The following TIAM2 variants were observed in gnomAD, a reference collection of about 807,000 sequenced individuals.
TIAM2 encodes rho guanine nucleotide exchange factor TIAM2.
A neutral mutation model predicts 152.9 loss-of-function variants in TIAM2; 80 were observed. The observed-to-expected ratio is 0.52, with a 90% CI of 0.44 to 0.63. The LOEUF (loss-of-function observed/expected upper bound fraction) is 0.63. Among genes scored for constraint, TIAM2 ranks in the 30% least tolerant of loss-of-function variants. The probability of loss-of-function intolerance (pLI) is 0.00; values close to 1 mark genes in which losing one functional copy is unlikely to be tolerated. For synonymous variants in TIAM2, 804 were observed against 838.0 expected, an observed-to-expected ratio of 0.96 and a Z score of 0.70; for missense variants, 1,965 against 2,120.1, an observed-to-expected ratio of 0.93 and a Z score of 1.44.
rs773624722 is a variant in TIAM2 at position 155,055,536 on chromosome 6, G to A, written c.-208-34753G>A. ...GAAATAGGAAATGACTTTTGGTTTC[G>A]TACGTGAGATTTTTGTGCCTGTGCT... is the stretch of plus-strand genomic sequence containing the variant. On this transcript the variant is annotated intron_variant, in intron 1 of 26. Transcript: ENST00000682666. Among the ~76,000 whole-genome samples the A allele has an allele frequency of 4.6e-5, 7 of 152,276 alleles. No individual in the cohort carries two copies. In the South Asian group the frequency reaches 1.0e-3, roughly 23 times the overall value.
intron 2 of TIAM2, among the ~76,000 whole-genome samples, chr6:155,122,423 G>T (rs895906124): frequency 6.7e-6 from 1 of 148,182 alleles, no homozygotes; most frequent in Non-Finnish European, 1.5e-5. Context: ...GGGATTAGGA[G>T]GGAATGGAGA....
At chr6:155,185,819 C>T (rs773190571) in intron 14 of TIAM2, among the ~76,000 whole-genome samples, 15 of 152,156 alleles carry the variant, frequency 9.9e-5, no homozygotes, top group Non-Finnish European at 2.2e-4. Flanking sequence ...AGGCAGCGCC[C>T]CGCCCACCTC....
At chr6:155,005,769 C>T (rs1423053884) in intron 1 of TIAM2, among the ~76,000 whole-genome samples, 1 of 151,816 alleles carries the variant, frequency 6.6e-6, no homozygotes, top group Non-Finnish European at 1.5e-5. Flanking sequence ...GATTCTCCTG[C>T]CTCAGCCTCC....
At chr6:155,219,217 C>T (rs1171510699) in intron 15 of TIAM2, among the ~76,000 whole-genome samples, 9 of 152,110 alleles carry the variant, frequency 5.9e-5, no homozygotes, top group East Asian at 5.8e-4. Context: ...GTCTGCTCAC[C>T]GTGTAGCTGC....
chr6:155,229,189 T>G (rs1160412799), intron 15 of TIAM2, among the ~76,000 whole-genome samples: 2 of 152,206 alleles, frequency 1.3e-5, no homozygotes, highest in Non-Finnish European at 2.9e-5. Flanking sequence ...TCACTGTGCC[T>G]GTTGCCTCTT....
chr6:155,104,058 C>CCCCCCCCCCCCA (rs1778620589), intron 2 of TIAM2, among the ~76,000 whole-genome samples: 1 of 60,320 alleles, frequency 1.7e-5, no homozygotes, highest in African/African-American at 7.6e-5. Context: ...CCCCACACCC[C>CCCCCCCCCCCCA]CACACACCCC....
Position 155,218,692 on chromosome 6 carries a change from C to G in TIAM2, c.3168+7385C>G, listed in dbSNP as rs757393890. 6.6e-6 allele frequency among the ~76,000 whole-genome samples: 1 copy of G among 152,192 alleles called. No homozygotes were observed. Among genetic ancestry groups the G allele is most frequent in the Non-Finnish European group, 1.5e-5 (1 of 68,040 alleles). On this transcript the variant is annotated intron_variant, in intron 15 of 26. Coordinates refer to ENST00000682666, the MANE Select transcript of TIAM2 (RefSeq NM_012454.4). The surrounding 1 kb of genome is among the most constrained non-coding windows in gnomAD (Gnocchi z 4.5). ...GTGTGAAGGTTTTCCCTGTTGCTCACCTAATGGCCTCTTGAGCTGAGATTC... is the reference window on the plus strand; with the variant it reads ...GTGTGAAGGTTTTCCCTGTTGCTCAGCTAATGGCCTCTTGAGCTGAGATTC...
chr6:155,202,883 C>CAAA (rs36086677), intron 14 of TIAM2, among the ~76,000 whole-genome samples: 1 of 109,176 alleles, frequency 9.2e-6, no homozygotes, highest in South Asian at 3.1e-4. Context: ...ACTAAAAATA[C>CAAA]AAAAAAAAAA....
chr6:155,222,317 G>C (rs1258651565), intron 15 of TIAM2, among the ~76,000 whole-genome samples: 3 of 2,144 alleles, frequency 1.4e-3, no homozygotes, highest in African/African-American at 7.9e-3. Flanking sequence ...AAGAACACAT[G>C]GGTTGGGTGG....
At chr6:155,172,436 G>A in intron 9 of TIAM2, among the ~76,000 whole-genome samples, 1 of 151,644 alleles carries the variant, frequency 6.6e-6, no homozygotes, top group East Asian at 1.9e-4. Flanking sequence ...TCTTTCAAAT[G>A]CAATTCCTCC....
At chr6:155,025,567 C>T (rs34343773) in intron 1 of TIAM2, among the ~76,000 whole-genome samples, 1 of 151,732 alleles carries the variant, frequency 6.6e-6, no homozygotes, top group Non-Finnish European at 1.5e-5. Flanking sequence ...GATCCGCCCA[C>T]CTCAGCCTCC....
intron 7 of TIAM2, among the ~76,000 whole-genome samples, chr6:155,152,894 G>A (rs1780009739): frequency 6.6e-6 from 1 of 152,154 alleles, no homozygotes. Context: ...TGCATTAAAT[G>A]TAATTGTATT....
chr6:155,257,664 C>G lies in TIAM2; in HGVS notation c.*543C>G. 4.3e-6 allele frequency: 3 copies of G among 696,118 alleles called. No homozygotes were observed. Among genetic ancestry groups the G allele is most frequent in the Non-Finnish European group, 7.2e-6 (3 of 419,226 alleles). The allele number at this position is 696,118 out of a possible 1,614,324, so 43.1% of individuals were successfully genotyped here. A position where few individuals can be genotyped will look rare whatever the true frequency, so the allele number is the denominator to read the frequency against. ...TATTAAAAGAAAGCTTGTACTGTAT[C>G]TTATTTGATGATATTTATTTTCTCT... is the stretch of plus-strand genomic sequence containing the variant. On this transcript the variant is annotated 3_prime_UTR_variant, in exon 27 of 27. Transcript: ENST00000682666.
In TIAM2 at chr6:155,176,817, T is replaced by C; in HGVS notation, c.2363T>C (p.Val788Ala). 1.9e-6 allele frequency: 3 copies of C among 1,606,370 alleles called. No homozygotes were observed. Among genetic ancestry groups the C allele is most frequent in the South Asian group, 2.2e-5 (2 of 89,238 alleles). Reference protein sequence around the residue: ...GKEKRPSITQVDELLHIYGST... With the variant: ...GKEKRPSITQADELLHIYGST... ...TTTTCTTTTGGCATCTACAAACAGG[T>C]CGATGAACTTCTGCATATATATGGT... The change falls in exon 10 of 27, where the codon GTC (valine) becomes GCC (alanine). Residue 788 changes from valine (V) to alanine (A), a missense_variant and splice_region_variant. Coordinates refer to ENST00000682666, the MANE Select transcript of TIAM2 (RefSeq NM_012454.4).
chr6:155,119,770 T>C (rs1779109686), intron 2 of TIAM2, among the ~76,000 whole-genome samples: 1 of 152,220 alleles, frequency 6.6e-6, no homozygotes, highest in Admixed American at 6.5e-5. Flanking sequence ...CATTTCTTTT[T>C]TAATCGTGAC....
chr6:155,086,938 A>G (rs1014576721), intron 1 of TIAM2, among the ~76,000 whole-genome samples: 2 of 152,224 alleles, frequency 1.3e-5, no homozygotes, highest in Non-Finnish European at 1.5e-5. Context: ...TTCACTTTCA[A>G]AGCAGTTCTA....
intron 2 of TIAM2, among the ~76,000 whole-genome samples, chr6:155,101,128 G>C (rs1778540819): frequency 6.6e-6 from 1 of 152,104 alleles, no homozygotes; most frequent in Admixed American, 6.5e-5. Context: ...GGAAACCTTT[G>C]GTTTTAGAAA....
intron 2 of TIAM2, among the ~76,000 whole-genome samples, chr6:155,104,040 AC>A (rs774902405): frequency 0.012 from 696 of 57,666 alleles, 19 homozygotes; most frequent in African/African-American, 0.02. Context: ...ACACACACAC[AC>A]CCCCCCCCCC....
At chr6:155,085,789 T>C (rs1336171555) in intron 1 of TIAM2, among the ~76,000 whole-genome samples, 1 of 152,220 alleles carries the variant, frequency 6.6e-6, no homozygotes, top group African/African-American at 2.4e-5. Flanking sequence ...TTCATGCTGA[T>C]AAAAGCATGA....
Sources: gnomAD v4.1 joint callset for allele counts (sites outside exome capture counted in the v4.1 genomes callset) on GRCh38, gnomAD v4.1.1 for gene constraint, Gnocchi (gnomAD v3.1) non-coding constraint, MANE v1.5 for transcripts, NCBI Gene and HGNC (gene_info 2026-07-23, HGNC 2026-07-21) for gene names.